Variants in PCOLCE observed in about 807,000 individuals in gnomAD.
PCOLCE encodes procollagen C-endopeptidase enhancer.
In PCOLCE, 33 loss-of-function variants were observed where a neutral mutation model predicts 47.2. The ratio of observed to expected loss-of-function variants is 0.70; its 90% CI spans 0.53 to 0.93. The LOEUF (loss-of-function observed/expected upper bound fraction) is 0.93. Ranked by LOEUF, PCOLCE falls within the 40% of genes least tolerant of loss-of-function variation. PCOLCE has a pLI of 0.00. For missense variants in PCOLCE, 584 were observed against 585.3 expected (o/e 1.00, Z 0.02); for synonymous variants, 254 against 252.5 (o/e 1.01, Z -0.06).
chr7:100,605,200 C>G lies in PCOLCE; in HGVS notation c.573C>G (p.Ile191Met). ...GCATCAGCTGTTCCTGGCACATCAT[C>G]GCGCCCCCGGACCAGGTACCGACCC... is the stretch of plus-strand genomic sequence containing the variant. ...PPGISCSWHI[I>M]APPDQVIALT... is the part of the protein sequence containing the mutation. The change falls in exon 4 of 9, where the codon ATC (isoleucine) becomes ATG (methionine). Residue 191 changes from isoleucine (I) to methionine (M), a missense_variant. Physicochemically the swap from Ile to Met is conservative, Grantham distance 10 (BLOSUM62 1). Transcript: ENST00000223061. This position sits in a 1 kb window ranked among gnomAD's most constrained non-coding sequence, Gnocchi z 6.1. The G allele has an allele frequency of 6.2e-7, 1 of 1,612,018 alleles. No homozygotes were observed. The highest frequency in any genetic ancestry group is 1.1e-5 in the South Asian group (1 of 90,934).
At chr7:100,602,786 C>T in intron 1 of PCOLCE, 1 of 563,390 alleles carries the variant, frequency 1.8e-6, no homozygotes, top group Non-Finnish European at 3.2e-6. Flanking sequence ...CTTAAGTCTC[C>T]CCACCCACCC....
At chr7:100,606,215 G>C (rs540837395) in intron 5 of PCOLCE, 2 of 570,774 alleles carry the variant, frequency 3.5e-6, no homozygotes, top group Admixed American at 6.2e-5. Flanking sequence ...TGTAGTCCCA[G>C]CAACTTGCGG....
rs1802705564 is a variant in PCOLCE, at chr7:100,605,811, G to C, written c.724G>C (p.Gly242Arg). 1.3e-6 allele frequency: 2 copies of C among 1,552,040 alleles called. No homozygotes were observed. The highest frequency in any genetic ancestry group is 1.7e-6 in the Non-Finnish European group (2 of 1,147,514). The change falls in exon 5 of 9, where the codon GGC becomes CGC. Residue 242 changes from glycine to arginine, a missense_variant and splice_region_variant. Coordinates refer to ENST00000223061, the MANE Select transcript of PCOLCE (RefSeq NM_002593.4). The surrounding 1 kb of genome is among the most constrained non-coding windows in gnomAD (Gnocchi z 6.1). ...LGKFCGDAVP[G>R]SISSEGNELL... is the part of the protein sequence containing the mutation. The stretch of plus-strand genomic sequence containing the variant: ...GAAGTTCTGCGGCGACGCAGTCCCG[G>C]GGTGAGGGGCGGGACCTGGGCGAGT...
intron 6 of PCOLCE, 26 bp downstream of exon 6, chr7:100,606,656 G>A (rs1379826155): frequency 6.5e-7 from 1 of 1,545,084 alleles, no homozygotes. Flanking sequence ...GGGAGGAAGG[G>A]GAAACAGACT....
Position 100,604,663 on chromosome 7 carries a change from G to T in PCOLCE, c.464-428G>T. 6.1e-6 allele frequency: 2 copies of T among 325,642 alleles called. No individual in the cohort carries two copies. The highest frequency in any genetic ancestry group is 2.8e-5 in the South Asian group (1 of 35,374). 20.2% of individuals were successfully genotyped at this position (325,642 alleles called of 1,614,324 possible). A position where few individuals can be genotyped will look rare whatever the true frequency, so the allele number is the denominator to read the frequency against. ...CCATCACCCCCTCCTGGCGGCAGAA[G>T]TCTCCCTTGCAATGTTTCAGGCGGG... On this transcript the variant is annotated intron_variant, in intron 3 of 8. Transcript: ENST00000223061. The surrounding 1 kb of genome is among the most constrained non-coding windows in gnomAD (Gnocchi z 6.4).
intron 5 of PCOLCE, chr7:100,606,210 TC>T (rs1802713644): frequency 3.5e-6 from 2 of 569,468 alleles, no homozygotes; most frequent in Non-Finnish European, 6.3e-6. Flanking sequence ...GTGCCTGTAG[TC>T]CCAGCAACTT....
intron 1 of PCOLCE, 126 bp from the exon 2 acceptor site, chr7:100,603,304 G>T (rs1014236328): frequency 1.4e-5 from 8 of 585,990 alleles, no homozygotes; most frequent in Admixed American, 3.3e-5. Context: ...GTCTCTCAAG[G>T]CCTTTCCATT....
rs774000290 is a variant in PCOLCE at position 100,604,248 on chromosome 7, C to T, written c.463+31C>T. On this transcript the variant is annotated intron_variant, in intron 3 of 8. Transcript: ENST00000223061. The surrounding 1 kb of genome is among the most constrained non-coding windows in gnomAD (Gnocchi z 6.4). ...AACTCCCTCACCTCCGCCTTCCCCC[C>T]CTCCAGGCCCCGCCCCGGCCGCAGC... The T allele has an allele frequency of 2.5e-6, 4 of 1,581,914 alleles. No homozygotes were observed. The highest frequency in any genetic ancestry group is 2.7e-5 in the African/African-American group (2 of 74,406).
chr7:100,603,346 T>A, intron 1 of PCOLCE, 84 bp from the exon 2 acceptor site: 1 of 701,738 alleles, frequency 1.4e-6, no homozygotes, highest in Non-Finnish European at 2.5e-6. Flanking sequence ...TGGAGTTTCA[T>A]CCTCATCACC....
At position 100,604,247 on chromosome 7, in the gene PCOLCE, C is replaced by G; in HGVS notation, c.463+30C>G. ...GAACTCCCTCACCTCCGCCTTCCCC[C>G]CCTCCAGGCCCCGCCCCGGCCGCAG... On this transcript the variant is annotated intron_variant, in intron 3 of 8. Transcript: ENST00000223061. The surrounding 1 kb of genome is among the most constrained non-coding windows in gnomAD (Gnocchi z 6.4). 2 of 1,581,850 alleles carry G rather than the reference C, an allele frequency of 1.3e-6. No individual in the cohort carries two copies. Among genetic ancestry groups the G allele is most frequent in the Non-Finnish European group, 1.7e-6 (2 of 1,166,416 alleles).
Position 100,605,063 on chromosome 7 carries a change from C to T in PCOLCE, c.464-28C>T, listed in dbSNP as rs778658093. 2 of 1,568,334 alleles carry T rather than the reference C, an allele frequency of 1.3e-6. No individual in the cohort carries two copies. Among genetic ancestry groups the T allele is most frequent in the Non-Finnish European group, 1.7e-6 (2 of 1,142,910 alleles). On this transcript the variant is annotated intron_variant, in intron 3 of 8. Coordinates refer to ENST00000223061, the MANE Select transcript of PCOLCE (RefSeq NM_002593.4). This position sits in a 1 kb window ranked among gnomAD's most constrained non-coding sequence, Gnocchi z 6.1. ...CTGACCGAGGGTCTCCACCGCCCCC[C>T]ACCCCCGCTCCTCTCTCCCCTCCCC...
At chr7:100,606,153 A>G in intron 5 of PCOLCE, 1 of 539,066 alleles carries the variant, frequency 1.9e-6, no homozygotes, top group Non-Finnish European at 3.3e-6. Flanking sequence ...ACATGGCGCA[A>G]CCTTGTCTGT....
chr7:100,602,944 G>A (rs1458580111), intron 1 of PCOLCE: 7 of 299,730 alleles, frequency 2.3e-5, no homozygotes, highest in Non-Finnish European at 4.4e-5. Context: ...GAAGTAGTTT[G>A]GAACAGGGGC....
At chr7:100,603,372 C>A in intron 1 of PCOLCE, 58 bp from the exon 2 acceptor site, 1 of 843,828 alleles carries the variant, frequency 1.2e-6, no homozygotes, top group Non-Finnish European at 1.9e-6. Flanking sequence ...CCCATCTTGC[C>A]AGTGCTCCCC....
chr7:100,606,523 C>A lies in PCOLCE; in HGVS notation c.833C>A (p.Ala278Asp). Reference protein sequence around the residue: ...ASYKTLPRGTAKEGQGPGPKR... With the variant: ...ASYKTLPRGTDKEGQGPGPKR... The stretch of plus-strand genomic sequence containing the variant: ...TACAAGACCCTGCCGCGGGGCACTG[C>A]CAAAGAAGGGCAAGGGCCCGGCCCC... Residue 278 changes from alanine (A) to aspartate (D), a missense_variant, in exon 6 of 9, where the codon GCC (alanine) becomes GAC (aspartate). By Grantham distance (126) the Ala-to-Asp change is moderately radical (BLOSUM62 -2). Transcript: ENST00000223061. 3.7e-6 allele frequency: 6 copies of A among 1,614,202 alleles called. No homozygotes were observed. The highest frequency in any genetic ancestry group is 5.1e-6 in the Non-Finnish European group (6 of 1,180,008).
rs768412040 is a variant in PCOLCE at position 100,605,070 on chromosome 7, G to A, written c.464-21G>A. The A allele has an allele frequency of 2.0e-6, 3 of 1,522,834 alleles. No homozygotes were observed. The South Asian group carries it at 3.4e-5, about 17-fold the overall frequency. The allele number at this position is 1,522,834 out of a possible 1,614,324, so 94.3% of individuals were successfully genotyped here. A position where few individuals can be genotyped will look rare whatever the true frequency, so the allele number is the denominator to read the frequency against. Reference sequence around the variant, plus strand: ...AGGGTCTCCACCGCCCCCCACCCCCGCTCCTCTCTCCCCTCCCCAGAGCAC... The same window carrying A: ...AGGGTCTCCACCGCCCCCCACCCCCACTCCTCTCTCCCCTCCCCAGAGCAC... On this transcript the variant is annotated intron_variant, in intron 3 of 8. Coordinates refer to ENST00000223061, the MANE Select transcript of PCOLCE (RefSeq NM_002593.4). This position sits in a 1 kb window ranked among gnomAD's most constrained non-coding sequence, Gnocchi z 6.1.
At chr7:100,607,910 A>G in intron 8 of PCOLCE, 27 bp from the exon 9 acceptor site, 1 of 1,613,600 alleles carries the variant, frequency 6.2e-7, no homozygotes, top group Non-Finnish European at 8.5e-7. Context: ...AGAATAAGAG[A>G]TCTCAACCCC....
chr7:100,605,568 A>G lies in PCOLCE; in HGVS notation c.589-108A>G. 2 of 1,361,630 alleles carry G rather than the reference A, an allele frequency of 1.5e-6. No individual in the cohort carries two copies. Among genetic ancestry groups the G allele is most frequent in the Non-Finnish European group, 2.0e-6 (2 of 998,602 alleles). 84.3% of individuals were successfully genotyped at this position (1,361,630 alleles called of 1,614,324 possible). On this transcript the variant is annotated intron_variant, in intron 4 of 8. Transcript: ENST00000223061. The surrounding 1 kb of genome is among the most constrained non-coding windows in gnomAD (Gnocchi z 6.1). ...GAACGCCTTCAGGAGGGGGGCCCAGAGGACGCGGGAGGTGGGAGTGGGAGC... is the reference window on the plus strand; with the variant it reads ...GAACGCCTTCAGGAGGGGGGCCCAGGGGACGCGGGAGGTGGGAGTGGGAGC...
chr7:100,604,185 T>G lies in PCOLCE; in HGVS notation c.431T>G (p.Leu144Arg), dbSNP rs1322317438. The G allele has an allele frequency of 1.2e-6, 2 of 1,612,986 alleles. No individual in the cohort carries two copies. The highest frequency in any genetic ancestry group is 1.7e-6 in the Non-Finnish European group (2 of 1,179,926). The change falls in exon 3 of 9, where the codon CTC (leucine) becomes CGC (arginine). Residue 144 changes from leucine (L) to arginine (R), a missense_variant. Transcript: ENST00000223061. The surrounding 1 kb of genome is among the most constrained non-coding windows in gnomAD (Gnocchi z 6.4). ...DEGTGGRGFLLWYSGRATSGT... is the reference protein window; with the variant it reads ...DEGTGGRGFLRWYSGRATSGT... ...GGCACAGGAGGACGAGGCTTCCTGCTCTGGTACAGCGGGCGGGCCACCTCG... is the reference window on the plus strand; with the variant it reads ...GGCACAGGAGGACGAGGCTTCCTGCGCTGGTACAGCGGGCGGGCCACCTCG...
Sources: allele counts gnomAD v4.1 joint callset, GRCh38; gene constraint gnomAD v4.1.1; non-coding constraint Gnocchi (gnomAD v3.1); transcripts MANE v1.5; gene names NCBI Gene and HGNC (gene_info 2026-07-23, HGNC 2026-07-21).